The following MIB1 variants were observed in gnomAD, a reference collection of about 807,000 sequenced individuals.
MIB1 encodes E3 ubiquitin-protein ligase MIB1.
MIB1 carries 278 observed loss-of-function variants against 124.5 expected under a neutral mutation model. The observed-to-expected ratio is 2.23, with a 90% CI of 2.02 to 2.47. The LOEUF (loss-of-function observed/expected upper bound fraction) is 2.47, where lower values mean the gene tolerates loss of function less well. MIB1 is among the 30% of genes most tolerant of loss of function. MIB1 has a pLI of 0.00. For missense variants in MIB1, 957 were observed against 1,254.4 expected, an observed-to-expected ratio of 0.76 and a Z score of 3.58; for synonymous variants, 446 against 429.4, an observed-to-expected ratio of 1.04 and a Z score of -0.48.
chr18:21,857,472 C>G (rs538521415), intron 19 of MIB1, among the ~76,000 whole-genome samples: 1 of 152,302 alleles, frequency 6.6e-6, no homozygotes, highest in South Asian at 2.1e-4. Flanking sequence ...GAGAAACCTG[C>G]ATGTATGCTA....
intron 16 of MIB1, among the ~76,000 whole-genome samples, chr18:21,848,665 GTCTA>G (rs1317953685): frequency 2.6e-5 from 4 of 152,222 alleles, no homozygotes; most frequent in South Asian, 4.1e-4. Context: ...TACGGATGCA[GTCTA>G]TCTTTCTGTA....
intron 19 of MIB1, among the ~76,000 whole-genome samples, chr18:21,857,949 G>A (rs2042243209): frequency 6.6e-6 from 1 of 152,298 alleles, no homozygotes; most frequent in South Asian, 2.1e-4. Context: ...CTCAGGGACA[G>A]ATTAACTAGA....
At chr18:21,718,053 C>T (rs1218100813) in intron 1 of MIB1, among the ~76,000 whole-genome samples, 4 of 152,230 alleles carry the variant, frequency 2.6e-5, no homozygotes, top group Admixed American at 6.5e-5. Context: ...TGCAATACTA[C>T]TCAGCCATAA....
intron 6 of MIB1, among the ~76,000 whole-genome samples, chr18:21,789,706 A>G (rs924896861): frequency 6.6e-6 from 1 of 152,102 alleles, no homozygotes; most frequent in Non-Finnish European, 1.5e-5. Context: ...AATCCCAGCT[A>G]CTTGGGAGAC....
chr18:21,785,384 G>GA (rs915666148), intron 6 of MIB1, among the ~76,000 whole-genome samples: 1 of 151,940 alleles, frequency 6.6e-6, no homozygotes, highest in Non-Finnish European at 1.5e-5. Context: ...CGCCCACGAA[G>GA]AAAAAAACCC....
At chr18:21,770,260 A>C (rs2041209974) in intron 3 of MIB1, among the ~76,000 whole-genome samples, 1 of 152,230 alleles carries the variant, frequency 6.6e-6, no homozygotes, top group Admixed American at 6.5e-5. Context: ...CATCTTGTAC[A>C]TGTGACTCCA....
chr18:21,773,701 C>T lies in MIB1; in HGVS notation c.609C>T (p.Asn203=), dbSNP rs1247421260. 3 of 1,605,100 alleles carry T rather than the reference C, an allele frequency of 1.9e-6. No individual in the cohort carries two copies. The African/African-American group carries it at 4.0e-5, about 22-fold the overall frequency. The stretch of plus-strand genomic sequence containing the variant: ...TCCTCTGGGATAATGGTGCTAAGAA[C>T]CTTTACAGAGTTGGCTTTGAGGGCA... ...AYVLWDNGAK[N]LYRVGFEGMS... The change falls in exon 4 of 21, where the codon AAC becomes AAT. Residue 203 remains asparagine (N), a synonymous_variant. Coordinates refer to ENST00000261537, the MANE Select transcript of MIB1 (RefSeq NM_020774.4).
chr18:21,798,398 G>T (rs2041611180), intron 8 of MIB1, among the ~76,000 whole-genome samples, 170 bp downstream of exon 8: 2 of 152,098 alleles, frequency 1.3e-5, no homozygotes, highest in South Asian at 4.1e-4. Context: ...AAAAATTTTT[G>T]TTTTTTATAA....
At chr18:21,817,820 G>A in intron 11 of MIB1, 1 of 251,908 alleles carries the variant, frequency 4.0e-6, no homozygotes, top group Non-Finnish European at 8.0e-6. Flanking sequence ...AACCATGCAG[G>A]AAATATGTCT....
At chr18:21,841,004 A>G (rs1481036060) in intron 13 of MIB1, among the ~76,000 whole-genome samples, 2 of 152,178 alleles carry the variant, frequency 1.3e-5, no homozygotes, top group Non-Finnish European at 2.9e-5. Flanking sequence ...AAGAAAACAA[A>G]TAGGAAAGCC....
chr18:21,707,966 A>T (rs766061840), intron 1 of MIB1, among the ~76,000 whole-genome samples: 7 of 152,166 alleles, frequency 4.6e-5, no homozygotes, highest in Non-Finnish European at 1.0e-4. Context: ...TTTGCCTTGC[A>T]GATGGCTTCT....
chr18:21,779,331 A>G, intron 5 of MIB1, 150 bp from the exon 6 acceptor site: 1 of 633,310 alleles, frequency 1.6e-6, no homozygotes, highest in Admixed American at 3.2e-5. Flanking sequence ...TTCTAGTTCT[A>G]AAATTTTATA....
In MIB1 at chr18:21,741,864, G is replaced by A; in HGVS notation, c.229+52G>A. On this transcript the variant is annotated intron_variant, in intron 1 of 20. Transcript: ENST00000261537. This position sits in a 1 kb window ranked among gnomAD's most constrained non-coding sequence, Gnocchi z 5.4. Reference sequence around the variant, plus strand: ...TTGCGCGCGCGGGGGGAAGGGGCGAGCTGCGGTGGGCGTCGGTGTCGCGGG... The same window carrying A: ...TTGCGCGCGCGGGGGGAAGGGGCGAACTGCGGTGGGCGTCGGTGTCGCGGG... 1 of 1,455,900 alleles carries A rather than the reference G, an allele frequency of 6.9e-7. No individual in the cohort carries two copies. Among genetic ancestry groups the A allele is most frequent in the Non-Finnish European group, 9.2e-7 (1 of 1,084,324 alleles). The allele number at this position is 1,455,900 out of a possible 1,614,324, so 90.2% of individuals were successfully genotyped here. A position where few individuals can be genotyped will look rare whatever the true frequency, so the allele number is the denominator to read the frequency against.
intron 10 of MIB1, among the ~76,000 whole-genome samples, chr18:21,806,397 T>G (rs2041707129): frequency 6.6e-6 from 1 of 152,018 alleles, no homozygotes; most frequent in Admixed American, 6.6e-5. Context: ...AGAGATGGTC[T>G]CACTATGTTG....
chr18:21,844,146 C>T lies in MIB1; in HGVS notation c.2104C>T (p.Pro702Ser), dbSNP rs755757947. The T allele has an allele frequency of 1.9e-6, 3 of 1,613,940 alleles. No individual in the cohort carries two copies. Among genetic ancestry groups the T allele is most frequent in the Non-Finnish European group, 2.5e-6 (3 of 1,180,000 alleles). ...LDIQDKDGDTPLHEALRHHTL... is the reference protein window; with the variant it reads ...LDIQDKDGDTSLHEALRHHTL... Reference sequence around the variant, plus strand: ...TATTCAGGATAAGGATGGGGATACTCCTTTGCATGAAGCTCTAAGGCATCA... The same window carrying T: ...TATTCAGGATAAGGATGGGGATACTTCTTTGCATGAAGCTCTAAGGCATCA... The change falls in exon 15 of 21, where the codon CCT becomes TCT. Residue 702 changes from proline (P) to serine (S), a missense_variant. Pro to Ser is a moderately conservative substitution (Grantham distance 74, BLOSUM62 -1). Transcript: ENST00000261537.
rs909214786 is a variant in MIB1 at position 21,741,694 on chromosome 18, C to T, written c.111C>T (p.Gly37=). Residue 37 remains glycine, a synonymous_variant, in exon 1 of 21, where the codon GGC becomes GGT. Coordinates refer to ENST00000261537, the MANE Select transcript of MIB1 (RefSeq NM_020774.4). The surrounding 1 kb of genome is among the most constrained non-coding windows in gnomAD (Gnocchi z 5.4). ...GKQDGGEGHV[G]TVRSFESPEE... is the part of the protein sequence containing the mutation. ...AGGACGGCGGCGAGGGCCATGTGGG[C>T]ACCGTCCGGAGCTTCGAGAGCCCCG... 6 of 1,611,372 alleles carry T rather than the reference C, an allele frequency of 3.7e-6. No homozygotes were observed. The highest frequency in any genetic ancestry group is 1.6e-4 in the Middle Eastern group (1 of 6,062).
At chr18:21,724,628 T>C (rs373476810) in intron 1 of MIB1, among the ~76,000 whole-genome samples, 3 of 145,046 alleles carry the variant, frequency 2.1e-5, no homozygotes, top group East Asian at 2.0e-4. Flanking sequence ...TTGCTTGAAC[T>C]GTGGGGGCGG....
intron 14 of MIB1, among the ~76,000 whole-genome samples, chr18:21,843,758 A>T (rs1418844886): frequency 6.6e-6 from 1 of 152,238 alleles, no homozygotes; most frequent in Non-Finnish European, 1.5e-5. Flanking sequence ...GAAGTGCTTA[A>T]AATATCTCAA....
At chr18:21,774,218 C>T (rs2041254845) in intron 4 of MIB1, among the ~76,000 whole-genome samples, 1 of 152,198 alleles carries the variant, frequency 6.6e-6, no homozygotes, top group African/African-American at 2.4e-5. Flanking sequence ...CCTTGAATTA[C>T]TTAAGTGTTT....
Sources: allele counts gnomAD v4.1 joint callset (sites outside exome capture counted in the v4.1 genomes callset), GRCh38; gene constraint gnomAD v4.1.1; non-coding constraint Gnocchi (gnomAD v3.1); transcripts MANE v1.5; gene names NCBI Gene and HGNC (gene_info 2026-07-23, HGNC 2026-07-21).